COL25A1: variants seen among roughly 807,000 people sequenced by gnomAD.
The protein encoded by COL25A1 is collagen alpha-1(XXV) chain.
COL25A1 carries 103 observed loss-of-function variants against 128.4 expected under a neutral mutation model. That is an observed-to-expected ratio of 0.80 (90% CI 0.68 to 0.94). The LOEUF is 0.94. Ranked by LOEUF, COL25A1 falls within the 40% of genes least tolerant of loss-of-function variation. The pLI is 0.00. For missense variants in COL25A1, 745 were observed against 840.0 expected (o/e 0.89, Z 1.40); for synonymous variants, 279 against 277.2 (o/e 1.01, Z -0.06).
In COL25A1 at chr4:108,845,179, A is replaced by G. The variant is rs1734939773; in HGVS notation, c.1578+10T>C. The G allele has an allele frequency of 6.2e-7, 1 of 1,611,578 alleles. No homozygotes were observed. The highest frequency in any genetic ancestry group is 8.5e-7 in the Non-Finnish European group (1 of 1,177,780). Reference sequence around the variant, plus strand: ...CAGGAACAATGGAAGTTCAGCCACCATGGACTTACAGAAGGACCCTGTGGA... The same window carrying G: ...CAGGAACAATGGAAGTTCAGCCACCGTGGACTTACAGAAGGACCCTGTGGA... On this transcript the variant is annotated intron_variant, in intron 29 of 37. Coordinates refer to ENST00000399132, the MANE Select transcript of COL25A1 (RefSeq NM_198721.4).
At chr4:109,105,695 G>A (rs1579381272) in intron 3 of COL25A1, among the ~76,000 whole-genome samples, 1 of 152,220 alleles carries the variant, frequency 6.6e-6, no homozygotes, top group East Asian at 1.9e-4. Flanking sequence ...CCATTTTCCT[G>A]GTTTTAAAGA....
At chr4:109,195,752 G>A (rs1212567733) in intron 3 of COL25A1, among the ~76,000 whole-genome samples, 1 of 152,086 alleles carries the variant, frequency 6.6e-6, no homozygotes, top group Non-Finnish European at 1.5e-5. Context: ...GGTCCCACAT[G>A]CTGTGATATT....
chr4:108,956,472 CTT>C (rs1750084548), intron 8 of COL25A1, among the ~76,000 whole-genome samples: 1 of 152,220 alleles, frequency 6.6e-6, no homozygotes, highest in African/African-American at 2.4e-5. Context: ...ATGGCGCAAT[CTT>C]TGCTCACTGC....
At chr4:108,856,961 T>C (rs138647860) in intron 24 of COL25A1, among the ~76,000 whole-genome samples, 1 of 152,234 alleles carries the variant, frequency 6.6e-6, no homozygotes, top group African/African-American at 2.4e-5. Flanking sequence ...GAAGTATAGA[T>C]ACATTAAGCA....
intron 3 of COL25A1, among the ~76,000 whole-genome samples, chr4:109,273,809 G>A (rs6827735): frequency 7.9e-5 from 12 of 152,124 alleles, no homozygotes; most frequent in South Asian, 4.1e-4. Context: ...TGCAAATTGC[G>A]ATAGTAATGC....
chr4:108,887,482 T>G lies in COL25A1; in HGVS notation c.975+1739A>C, dbSNP rs1018375654. 4.6e-5 allele frequency among the ~76,000 whole-genome samples: 7 copies of G among 152,278 alleles called. No homozygotes were observed. In the South Asian group the frequency reaches 1.5e-3, roughly 32 times the overall value. On this transcript the variant is annotated intron_variant, in intron 18 of 37. Coordinates refer to ENST00000399132, the MANE Select transcript of COL25A1 (RefSeq NM_198721.4). ...TTAGACAAAGGAAGTCATAATATTG[T>G]GGGAAAGTGGGATTGTATCAAAGGG...
chr4:109,070,198 C>T (rs1472523613), intron 3 of COL25A1, among the ~76,000 whole-genome samples: 2 of 150,984 alleles, frequency 1.3e-5, no homozygotes, highest in Admixed American at 6.6e-5. Flanking sequence ...TTGGAGGCTG[C>T]AGAGAGTCGA....
At chr4:108,942,137 A>C in intron 8 of COL25A1, 1 of 1,480,558 alleles carries the variant, frequency 6.8e-7, no homozygotes, top group Non-Finnish European at 9.2e-7. Flanking sequence ...CGGCAAGCCA[A>C]TTGAATGGTT....
intron 5 of COL25A1, among the ~76,000 whole-genome samples, chr4:109,012,982 T>C (rs1218054649): frequency 6.6e-6 from 1 of 152,258 alleles, no homozygotes; most frequent in African/African-American, 2.4e-5. Context: ...CAGAGGATTG[T>C]ATATGCACCA....
chr4:108,892,738 C>T (rs545842457), intron 16 of COL25A1, among the ~76,000 whole-genome samples: 34 of 152,130 alleles, frequency 2.2e-4, no homozygotes, highest in African/African-American at 7.0e-4. Flanking sequence ...ACAGAAGACA[C>T]GATAAGCAAA....
chr4:108,962,766 T>G (rs1750870837), intron 8 of COL25A1, among the ~76,000 whole-genome samples: 1 of 152,172 alleles, frequency 6.6e-6, no homozygotes, highest in African/African-American at 2.4e-5. Context: ...GTTAAATAAT[T>G]CATTTGTGCT....
chr4:109,179,608 T>TA (rs531524658), intron 3 of COL25A1, among the ~76,000 whole-genome samples: 2 of 152,232 alleles, frequency 1.3e-5, no homozygotes, highest in Non-Finnish European at 2.9e-5. Context: ...ACAAAACACT[T>TA]AAACACCTGT....
At chr4:108,866,457 T>C (rs1413566455) in intron 20 of COL25A1, among the ~76,000 whole-genome samples, 2 of 152,154 alleles carry the variant, frequency 1.3e-5, no homozygotes, top group Non-Finnish European at 2.9e-5. Context: ...CCTCCCAAAG[T>C]GCTGGGATTA....
intron 3 of COL25A1, among the ~76,000 whole-genome samples, chr4:109,294,378 C>A (rs1320341656): frequency 1.3e-5 from 2 of 152,110 alleles, no homozygotes; most frequent in East Asian, 3.8e-4. Context: ...CTGCTTCTCA[C>A]TCTTCTATAC....
At chr4:109,162,973 A>G (rs1772728036) in intron 3 of COL25A1, among the ~76,000 whole-genome samples, 3 of 152,076 alleles carry the variant, frequency 2.0e-5, no homozygotes, top group Admixed American at 1.3e-4. Context: ...ATTAGTTCCT[A>G]TGTCCTCTCT....
Position 108,841,740 on chromosome 4 carries a change from G to C in COL25A1, c.1630-19C>G. ...GAGGTCCCTGAAAATGGAAAACAGAGCTTTTAATTAAGAATTGATTCCCTG... is the reference window on the plus strand; with the variant it reads ...GAGGTCCCTGAAAATGGAAAACAGACCTTTTAATTAAGAATTGATTCCCTG... On this transcript the variant is annotated intron_variant, in intron 30 of 37. Coordinates refer to ENST00000399132, the MANE Select transcript of COL25A1 (RefSeq NM_198721.4). 1 of 1,599,424 alleles carries C rather than the reference G, an allele frequency of 6.3e-7. No homozygotes were observed. The highest frequency in any genetic ancestry group is 8.6e-7 in the Non-Finnish European group (1 of 1,166,968).
At chr4:109,200,456 G>A (rs569248403) in intron 3 of COL25A1, among the ~76,000 whole-genome samples, 10 of 148,188 alleles carry the variant, frequency 6.7e-5, no homozygotes, top group Non-Finnish European at 1.3e-4. Context: ...CTCTCCTAAC[G>A]TATCTTTTGT....
intron 3 of COL25A1, among the ~76,000 whole-genome samples, chr4:109,207,726 C>T (rs923373579): frequency 5.9e-5 from 9 of 152,218 alleles, no homozygotes; most frequent in African/African-American, 1.4e-4. Flanking sequence ...GACTACTAAC[C>T]ATACCTGTAA....
intron 19 of COL25A1, among the ~76,000 whole-genome samples, chr4:108,875,956 A>T (rs1237157447): frequency 1.3e-5 from 2 of 152,188 alleles, no homozygotes; most frequent in East Asian, 3.9e-4. Flanking sequence ...GCAAACTATC[A>T]TAAGGACAGA....
Sources: gnomAD v4.1 joint callset for allele counts (sites outside exome capture counted in the v4.1 genomes callset) on GRCh38, gnomAD v4.1.1 for gene constraint, MANE v1.5 for transcripts, NCBI Gene and HGNC (gene_info 2026-07-23, HGNC 2026-07-21) for gene names.